Variants in PPM1E observed in about 807,000 individuals in gnomAD.
PPM1E encodes the protein protein phosphatase 1E.
A neutral mutation model predicts 65.9 loss-of-function variants in PPM1E; 20 were observed. The observed-to-expected ratio is 0.30, with a 90% CI of 0.21 to 0.44. The LOEUF (loss-of-function observed/expected upper bound fraction) is 0.44. Among genes scored for constraint, PPM1E ranks in the 20% least tolerant of loss-of-function variants. PPM1E has a pLI of 1.00. For missense variants in PPM1E, 713 were observed against 953.1 expected, an observed-to-expected ratio of 0.75 and a Z score of 3.32; for synonymous variants, 352 against 374.9, an observed-to-expected ratio of 0.94 and a Z score of 0.70.
At chr17:58,822,462 A>G (rs1027530369) in intron 1 of PPM1E, among the ~76,000 whole-genome samples, 3 of 152,108 alleles carry the variant, frequency 2.0e-5, no homozygotes, top group African/African-American at 7.2e-5. Flanking sequence ...GCTGATAATT[A>G]TGGTTAGAAC....
intron 2 of PPM1E, among the ~76,000 whole-genome samples, chr17:58,956,452 CA>C (rs34970489): frequency 0.038 from 4,354 of 113,208 alleles, 150 homozygotes; most frequent in African/African-American, 0.1. Context: ...AAACAAAAAA[CA>C]AAAAACAAAA....
chr17:58,897,420 A>G (rs572465884), intron 1 of PPM1E, among the ~76,000 whole-genome samples: 5 of 151,956 alleles, frequency 3.3e-5, no homozygotes, highest in African/African-American at 9.7e-5. Flanking sequence ...TCTAAAAAAA[A>G]AAAAAGAAAA....
chr17:58,917,507 G>C (rs886423654), intron 1 of PPM1E, among the ~76,000 whole-genome samples: 1 of 152,134 alleles, frequency 6.6e-6, no homozygotes, highest in Non-Finnish European at 1.5e-5. Flanking sequence ...TTCTATCAAG[G>C]AGACATCTTT....
intron 1 of PPM1E, among the ~76,000 whole-genome samples, chr17:58,951,916 T>C (rs765673545): frequency 6.6e-6 from 1 of 152,214 alleles, no homozygotes; most frequent in Non-Finnish European, 1.5e-5. Flanking sequence ...TCATGTTTCC[T>C]CAATTTTTCA....
intron 1 of PPM1E, among the ~76,000 whole-genome samples, chr17:58,893,462 G>A (rs9908282): frequency 4.2e-4 from 64 of 152,306 alleles, no homozygotes; most frequent in African/African-American, 1.5e-3. Context: ...GGAGAGGGAT[G>A]AGTTGGCAGA....
chr17:58,766,620 C>A (rs988675888), intron 1 of PPM1E, among the ~76,000 whole-genome samples: 1 of 151,974 alleles, frequency 6.6e-6, no homozygotes, highest in African/African-American at 2.4e-5. Context: ...CACACACACA[C>A]ACACACACAC....
chr17:58,816,822 G>T (rs535533666), intron 1 of PPM1E, among the ~76,000 whole-genome samples: 73 of 125,222 alleles, frequency 5.8e-4, no homozygotes, highest in Non-Finnish European at 1.0e-3. Context: ...TTGAGACAGG[G>T]TCTTACTCTG....
At chr17:58,946,110 C>G (rs2052146846) in intron 1 of PPM1E, among the ~76,000 whole-genome samples, 1 of 152,070 alleles carries the variant, frequency 6.6e-6, no homozygotes, top group Non-Finnish European at 1.5e-5. Flanking sequence ...AGTAGCCCAC[C>G]AAGAACTGCT....
At chr17:58,940,526 A>G (rs1488549078) in intron 1 of PPM1E, among the ~76,000 whole-genome samples, 1 of 152,214 alleles carries the variant, frequency 6.6e-6, no homozygotes, top group Non-Finnish European at 1.5e-5. Flanking sequence ...AACTGTGACT[A>G]AAAATGTATT....
At chr17:58,887,997 G>A (rs527812375) in intron 1 of PPM1E, among the ~76,000 whole-genome samples, 2 of 152,172 alleles carry the variant, frequency 1.3e-5, no homozygotes, top group Non-Finnish European at 2.9e-5. Context: ...TACGTGAAGG[G>A]AAGAATCAAG....
intron 1 of PPM1E, among the ~76,000 whole-genome samples, chr17:58,908,778 C>T (rs1455408637): frequency 6.6e-6 from 1 of 152,122 alleles, no homozygotes; most frequent in East Asian, 1.9e-4. Flanking sequence ...CTGGAGTTTG[C>T]CATATACAGT....
chr17:58,980,529 T>G lies in PPM1E; in HGVS notation c.1766T>G (p.Val589Gly), dbSNP rs765944508. The change falls in exon 7 of 7, where the codon GTT becomes GGT. Residue 589 changes from valine (V) to glycine (G), a missense_variant. By Grantham distance (109) the Val-to-Gly change is moderately radical (BLOSUM62 -3). Transcript: ENST00000308249. This position sits in a 1 kb window ranked among gnomAD's most constrained non-coding sequence, Gnocchi z 4.7. ...CACAGTGCCCAGTTTTTGCTACCAG[T>G]TGAGATGTTTGGTCCTGGTGCACCA... ...KPHSAQFLLP[V>G]EMFGPGAPKK... 1 of 1,614,082 alleles carries G rather than the reference T, an allele frequency of 6.2e-7. No homozygotes were observed. Among genetic ancestry groups the G allele is most frequent in the Admixed American group, 1.7e-5 (1 of 60,002 alleles).
chr17:58,873,340 T>C lies in PPM1E; in HGVS notation c.465-82309T>C, dbSNP rs73331091. Among the ~76,000 whole-genome samples the C allele has an allele frequency of 9.1e-3, 1,383 of 152,258 alleles. 25 individuals carry two copies. Among genetic ancestry groups the C allele is most frequent in the African/African-American group, 0.031 (1,278 of 41,544 alleles). On this transcript the variant is annotated intron_variant, in intron 1 of 6. Transcript: ENST00000308249. Reference sequence around the variant, plus strand: ...TTTTCTAAAATAAAGCAGAATCTTTTCTTTGTTTTAAAATGATCTCAGTTC... The same window carrying C: ...TTTTCTAAAATAAAGCAGAATCTTTCCTTTGTTTTAAAATGATCTCAGTTC...
At chr17:58,785,210 A>G (rs1330286155) in intron 1 of PPM1E, 1 of 151,866 alleles carries the variant, frequency 6.6e-6, no homozygotes, top group Non-Finnish European at 1.5e-5. Context: ...TCCTAGCACC[A>G]TATGTTGGAA....
In PPM1E at chr17:58,931,425, A is replaced by G. The variant is rs553726228; in HGVS notation, c.465-24224A>G. 2.0e-5 allele frequency among the ~76,000 whole-genome samples: 3 copies of G among 151,896 alleles called. No homozygotes were observed. In the South Asian group the frequency reaches 6.2e-4, roughly 32 times the overall value. On this transcript the variant is annotated intron_variant, in intron 1 of 6. Coordinates refer to ENST00000308249, the MANE Select transcript of PPM1E (RefSeq NM_014906.5). ...AAGGAAGGGAGGGAGGGAGGGAGAG[A>G]AGGAGGGAGGAAGGGAGGAAGGAAA...
At chr17:58,879,296 T>C (rs1323205466) in intron 1 of PPM1E, among the ~76,000 whole-genome samples, 1 of 149,666 alleles carries the variant, frequency 6.7e-6, no homozygotes, top group Non-Finnish European at 1.5e-5. Flanking sequence ...ATTTATAATA[T>C]TTTATATATA....
intron 1 of PPM1E, among the ~76,000 whole-genome samples, chr17:58,758,522 C>A (rs1304452839): frequency 1.4e-5 from 2 of 141,332 alleles, no homozygotes; most frequent in East Asian, 2.1e-4. Context: ...AGCAAGACTC[C>A]GTCTCAAAAA....
At chr17:58,890,264 T>C (rs907812064) in intron 1 of PPM1E, among the ~76,000 whole-genome samples, 1 of 152,164 alleles carries the variant, frequency 6.6e-6, no homozygotes, top group Admixed American at 6.6e-5. Flanking sequence ...AACACAACTA[T>C]TTTTTTCATA....
chr17:58,864,316 G>A lies in PPM1E; in HGVS notation c.465-91333G>A, dbSNP rs776617657. Among the ~76,000 whole-genome samples, 11 of 152,072 alleles carry A rather than the reference G, an allele frequency of 7.2e-5. No homozygotes were observed. The East Asian group carries it at 1.2e-3, about 16-fold the overall frequency. On this transcript the variant is annotated intron_variant, in intron 1 of 6. Coordinates refer to ENST00000308249, the MANE Select transcript of PPM1E (RefSeq NM_014906.5). The stretch of plus-strand genomic sequence containing the variant: ...TGAGCTGAGGTTGCTTTTGGAAGAC[G>A]AGAACTTTCTGTTTCCTCAGTTAAG...
Sources: gnomAD v4.1 joint callset for allele counts (sites outside exome capture counted in the v4.1 genomes callset) on GRCh38, gnomAD v4.1.1 for gene constraint, Gnocchi (gnomAD v3.1) non-coding constraint, MANE v1.5 for transcripts, NCBI Gene and HGNC (gene_info 2026-07-23, HGNC 2026-07-21) for gene names.